The following SYNDIG1 variants were observed in gnomAD, a reference collection of about 807,000 sequenced individuals.
SYNDIG1 encodes synapse differentiation inducing 1, also known as synapse differentiation-inducing gene protein 1.
In SYNDIG1, 9 loss-of-function variants were observed where a neutral mutation model predicts 19.4. That is an observed-to-expected ratio of 0.46 (90% CI 0.28 to 0.81). SYNDIG1 has a LOEUF of 0.81. SYNDIG1 is among the 30% of genes least tolerant of loss of function. The pLI, the probability that SYNDIG1 is intolerant of heterozygous loss-of-function variation, is 0.12. For synonymous variants in SYNDIG1, 141 were observed against 145.9 expected, an observed-to-expected ratio of 0.97 and a Z score of 0.24; for missense variants, 311 against 343.3, an observed-to-expected ratio of 0.91 and a Z score of 0.74.
In SYNDIG1 at chr20:24,517,389, G is replaced by T. The variant is rs1221044273; in HGVS notation, c.-78-25631G>T. ...CCAGCACTTTGGGAGGCCGAGGCGG[G>T]CAGATCACAAGGTCAGGAGATCGAG... On this transcript the variant is annotated intron_variant, in intron 1 of 3. Transcript: ENST00000376862. 2.0e-5 allele frequency among the ~76,000 whole-genome samples: 3 copies of T among 150,676 alleles called. No homozygotes were observed. In the East Asian group the frequency reaches 5.8e-4, roughly 29 times the overall value.
intron 2 of SYNDIG1, among the ~76,000 whole-genome samples, chr20:24,553,019 G>T (rs1402018923): frequency 8.6e-5 from 13 of 151,708 alleles, no homozygotes; most frequent in Non-Finnish European, 1.9e-4. Context: ...GTGTGAGATG[G>T]TATCTCATTG....
At chr20:24,592,350 A>G (rs1404317169) in intron 3 of SYNDIG1, among the ~76,000 whole-genome samples, 1 of 152,184 alleles carries the variant, frequency 6.6e-6, no homozygotes, top group African/African-American at 2.4e-5. Context: ...CTGGATATTA[A>G]TTCTAATTCT....
chr20:24,508,573 T>C (rs1467957162), intron 1 of SYNDIG1, among the ~76,000 whole-genome samples: 1 of 151,966 alleles, frequency 6.6e-6, no homozygotes, highest in African/African-American at 2.4e-5. Context: ...AAGAAAAACA[T>C]AGGTGAAATA....
chr20:24,607,499 G>A (rs2058775427), intron 3 of SYNDIG1, among the ~76,000 whole-genome samples: 1 of 152,200 alleles, frequency 6.6e-6, no homozygotes, highest in African/African-American at 2.4e-5. Context: ...CTGGGGTGGA[G>A]AGTGGGGCTA....
In SYNDIG1 at chr20:24,660,281, T is replaced by C. The variant is rs188215723; in HGVS notation, c.619-5065T>C. Among the ~76,000 whole-genome samples, 9 of 152,370 alleles carry C rather than the reference T, an allele frequency of 5.9e-5. No homozygotes were observed. In the South Asian group the frequency reaches 8.3e-4, roughly 14 times the overall value. On this transcript the variant is annotated intron_variant, in intron 3 of 3. Transcript: ENST00000376862. The stretch of plus-strand genomic sequence containing the variant: ...TCATTTACGGGAGTGGAATTGTTGT[T>C]GCGTGATGTATCTATATGTTCAGCT...
At chr20:24,576,770 CCT>C (rs969517866) in intron 2 of SYNDIG1, among the ~76,000 whole-genome samples, 20 of 152,124 alleles carry the variant, frequency 1.3e-4, no homozygotes, top group Non-Finnish European at 2.6e-4. Context: ...TCCATGGCCC[CCT>C]GTCTCCTCCT....
intron 1 of SYNDIG1, among the ~76,000 whole-genome samples, chr20:24,540,148 A>G (rs1450374358): frequency 6.6e-6 from 1 of 152,148 alleles, no homozygotes; most frequent in Non-Finnish European, 1.5e-5. Flanking sequence ...ATTCTGAAGT[A>G]TTGTGTTCTT....
At chr20:24,570,000 T>C (rs145396306) in intron 2 of SYNDIG1, among the ~76,000 whole-genome samples, 181 of 152,346 alleles carry the variant, frequency 1.2e-3, no homozygotes, top group African/African-American at 4.2e-3. Context: ...CTCTGCACCA[T>C]TTGTTGACTT....
chr20:24,539,997 G>A (rs1401885221), intron 1 of SYNDIG1, among the ~76,000 whole-genome samples: 1 of 152,014 alleles, frequency 6.6e-6, no homozygotes, highest in Non-Finnish European at 1.5e-5. Context: ...GGCCAGGCTG[G>A]TTTCGAACTC....
At chr20:24,485,806 G>A (rs1220142646) in intron 1 of SYNDIG1, among the ~76,000 whole-genome samples, 1 of 152,138 alleles carries the variant, frequency 6.6e-6, no homozygotes, top group Non-Finnish European at 1.5e-5. Context: ...CAGTGCGGTT[G>A]GAGCTGGATC....
chr20:24,479,922 T>C (rs998889014), intron 1 of SYNDIG1, among the ~76,000 whole-genome samples: 19 of 152,222 alleles, frequency 1.2e-4, no homozygotes, highest in Admixed American at 1.1e-3. Flanking sequence ...CCCAGAACAC[T>C]GAGTTACTCC....
intron 2 of SYNDIG1, among the ~76,000 whole-genome samples, chr20:24,555,316 C>G (rs1413740536): frequency 6.6e-6 from 1 of 152,114 alleles, no homozygotes; most frequent in Non-Finnish European, 1.5e-5. Flanking sequence ...CAGTTCTGCT[C>G]TGATTTTAGT....
intron 3 of SYNDIG1, among the ~76,000 whole-genome samples, chr20:24,626,623 C>G (rs1304689343): frequency 1.3e-5 from 2 of 151,788 alleles, no homozygotes; most frequent in Non-Finnish European, 2.9e-5. Context: ...CTCCTCACAT[C>G]CCAGACGATG....
chr20:24,578,983 G>C (rs1600671170), intron 2 of SYNDIG1, among the ~76,000 whole-genome samples: 1 of 152,232 alleles, frequency 6.6e-6, no homozygotes, highest in Non-Finnish European at 1.5e-5. Flanking sequence ...ACGCAGGCTT[G>C]AGCCGAGCCA....
At chr20:24,626,126 G>C (rs1288420086) in intron 3 of SYNDIG1, among the ~76,000 whole-genome samples, 2 of 117,138 alleles carry the variant, frequency 1.7e-5, no homozygotes, top group African/African-American at 6.0e-5. Context: ...CCGGGCAGAG[G>C]TGCCCCTCAC....
At chr20:24,632,400 T>C (rs2059257652) in intron 3 of SYNDIG1, among the ~76,000 whole-genome samples, 1 of 152,110 alleles carries the variant, frequency 6.6e-6, no homozygotes, top group Admixed American at 6.5e-5. Flanking sequence ...CCACCATGCC[T>C]GGCTGAATTT....
chr20:24,517,336 C>T (rs2056895334), intron 1 of SYNDIG1, among the ~76,000 whole-genome samples: 1 of 150,416 alleles, frequency 6.6e-6, no homozygotes, highest in Admixed American at 6.6e-5. Context: ...TATATATATG[C>T]CGGGTGTGGT....
chr20:24,561,694 G>C (rs576374139), intron 2 of SYNDIG1, among the ~76,000 whole-genome samples: 2 of 152,266 alleles, frequency 1.3e-5, no homozygotes, highest in South Asian at 4.1e-4. Context: ...GTTTTGTCCA[G>C]TTGTTTCCTG....
intron 3 of SYNDIG1, among the ~76,000 whole-genome samples, chr20:24,617,339 C>G (rs2058952635): frequency 6.6e-6 from 1 of 152,192 alleles, no homozygotes; most frequent in African/African-American, 2.4e-5. Flanking sequence ...CTCTCTGCTG[C>G]CCTGTCACCT....
Sources: allele counts gnomAD v4.1 joint callset (sites outside exome capture counted in the v4.1 genomes callset), GRCh38; gene constraint gnomAD v4.1.1; transcripts MANE v1.5; gene names NCBI Gene and HGNC (gene_info 2026-07-23, HGNC 2026-07-21).